WDR64: variants seen among roughly 807,000 people sequenced by gnomAD.
The protein encoded by WDR64 is WD repeat-containing protein 64.
A neutral mutation model predicts 139.3 loss-of-function variants in WDR64; 112 were observed. That is an observed-to-expected ratio of 0.80 (90% CI 0.69 to 0.94). The LOEUF (loss-of-function observed/expected upper bound fraction) is 0.94. Among genes scored for constraint, WDR64 ranks in the 40% least tolerant of loss-of-function variants. WDR64 has a pLI of 0.00. For missense variants in WDR64, 1,206 were observed against 1,293.1 expected (o/e 0.93, Z 1.03); for synonymous variants, 444 against 437.7 (o/e 1.01, Z -0.18).
chr1:241,660,562 G>C lies in WDR64; in HGVS notation c.178G>C (p.Val60Leu). ...AIGYDKFYAS[V>L]QKLFGPDVKN... The stretch of plus-strand genomic sequence containing the variant: ...TGGTTATGACAAGTTTTATGCATCG[G>C]TACAGAAGCTCTTTGGTCCAGATGT... The change falls in exon 2 of 28, where the codon GTA (valine) becomes CTA (leucine). Residue 60 changes from valine (V) to leucine (L), a missense_variant. By Grantham distance (32) the Val-to-Leu change is conservative. Coordinates refer to ENST00000437684, the MANE Select transcript of WDR64 (RefSeq NM_001367482.1). 1 of 1,551,740 alleles carries C rather than the reference G, an allele frequency of 6.4e-7. No individual in the cohort carries two copies. Among genetic ancestry groups the C allele is most frequent in the Non-Finnish European group, 8.7e-7 (1 of 1,146,816 alleles).
At chr1:241,759,705 T>TA (rs1422846299) in intron 15 of WDR64, among the ~76,000 whole-genome samples, 3 of 152,208 alleles carry the variant, frequency 2.0e-5, no homozygotes, top group Non-Finnish European at 1.5e-5. Context: ...TTCTTTTTTT[T>TA]TAAATTGTGG....
chr1:241,664,582 G>C lies in WDR64; in HGVS notation c.276+3922G>C, dbSNP rs1268911018. Reference sequence around the variant, plus strand: ...CTGAATGAAATACTAAAGTAAATCAGATTTTTTTTTGTTTGTTTTACAGAT... The same window carrying C: ...CTGAATGAAATACTAAAGTAAATCACATTTTTTTTTGTTTGTTTTACAGAT... On this transcript the variant is annotated intron_variant, in intron 2 of 27. Coordinates refer to ENST00000437684, the MANE Select transcript of WDR64 (RefSeq NM_001367482.1). 4.6e-4 allele frequency among the ~76,000 whole-genome samples: 37 copies of C among 80,788 alleles called. 1 individual carries two copies. Among genetic ancestry groups the C allele is most frequent in the Middle Eastern group, 6.8e-3 (1 of 146 alleles). 53.0% of individuals were successfully genotyped at this position (80,788 alleles called of 152,430 possible).
At position 241,744,506 on chromosome 1, in the gene WDR64, A is replaced by C; in HGVS notation, c.1584A>C (p.Gly528=). Residue 528 remains glycine, a synonymous_variant, in exon 13 of 28, where the codon GGA becomes GGC. Coordinates refer to ENST00000437684, the MANE Select transcript of WDR64 (RefSeq NM_001367482.1). ...VDESGFLFAT[G]AYNGTVRIWD... ...AAAGTGGATTTCTTTTTGCCACAGG[A>C]GCGTATAATGGTCAGACTAACATCC... 6.2e-7 allele frequency: 1 copy of C among 1,613,974 alleles called. No homozygotes were observed. Among genetic ancestry groups the C allele is most frequent in the East Asian group, 2.2e-5 (1 of 44,868 alleles).
intron 14 of WDR64, among the ~76,000 whole-genome samples, chr1:241,754,314 C>CTTTTTT (rs1574070839): frequency 9.3e-6 from 1 of 107,888 alleles, no homozygotes; most frequent in African/African-American, 3.4e-5. Flanking sequence ...TCCTTTTTTT[C>CTTTTTT]TTTTTCTTTT....
intron 15 of WDR64, 152 bp from the exon 16 acceptor site, chr1:241,766,066 A>C: frequency 1.4e-6 from 1 of 700,216 alleles, no homozygotes; most frequent in Non-Finnish European, 2.1e-6. Flanking sequence ...AAGAAAAATA[A>C]GATTTTACTA....
At chr1:241,685,220 A>C (rs931185041) in intron 7 of WDR64, among the ~76,000 whole-genome samples, 2 of 151,126 alleles carry the variant, frequency 1.3e-5, no homozygotes, top group East Asian at 3.9e-4. Flanking sequence ...TGACACCTAA[A>C]ATACATTCAG....
In WDR64 at chr1:241,731,873, A is replaced by G. The variant is rs192479172; in HGVS notation, c.1195-6490A>G. ...ATTAAGTAATGTGTAAGAACTTAAT[A>G]AATACATTTAGCATTGAATTTCCTA... On this transcript the variant is annotated intron_variant, in intron 10 of 27. Transcript: ENST00000437684. 6.6e-5 allele frequency among the ~76,000 whole-genome samples: 10 copies of G among 152,308 alleles called. No individual in the cohort carries two copies. The East Asian group carries it at 1.7e-3, about 26-fold the overall frequency.
At chr1:241,657,401 A>G (rs1369673503) in intron 1 of WDR64, among the ~76,000 whole-genome samples, 2 of 152,180 alleles carry the variant, frequency 1.3e-5, no homozygotes, top group African/African-American at 4.8e-5. Context: ...CATCATGCTT[A>G]AAATAAAATA....
chr1:241,757,486 T>C (rs1018255891), intron 15 of WDR64, 27 bp downstream of exon 15: 21 of 1,575,962 alleles, frequency 1.3e-5, no homozygotes, highest in Non-Finnish European at 1.8e-5. Flanking sequence ...GGTTTCTTTT[T>C]AACTTTTGCT....
intron 7 of WDR64, 128 bp from the exon 8 acceptor site, chr1:241,687,333 G>T: frequency 5.0e-6 from 5 of 997,054 alleles, no homozygotes; most frequent in Non-Finnish European, 5.8e-6. Context: ...GTGTTATAAT[G>T]CATTGGGCTG....
chr1:241,670,134 G>C (rs1666167717), intron 2 of WDR64, among the ~76,000 whole-genome samples: 1 of 151,900 alleles, frequency 6.6e-6, no homozygotes, highest in Admixed American at 6.6e-5. Context: ...ATTTCTGTTG[G>C]TTAATAAGAC....
intron 10 of WDR64, among the ~76,000 whole-genome samples, chr1:241,726,647 T>C (rs1026961159): frequency 6.6e-6 from 1 of 152,102 alleles, no homozygotes; most frequent in African/African-American, 2.4e-5. Flanking sequence ...ACATTCAACA[T>C]TATGTAAATG....
chr1:241,769,431 A>T lies in WDR64; in HGVS notation c.2109A>T (p.Val703=). 6.4e-7 allele frequency: 1 copy of T among 1,551,486 alleles called. No homozygotes were observed. The highest frequency in any genetic ancestry group is 8.7e-7 in the Non-Finnish European group (1 of 1,146,982). Residue 703 remains valine (V), a synonymous_variant, in exon 17 of 28, where the codon GTA becomes GTT. Transcript: ENST00000437684. ...KVYRPEDCFT[V]NPDLHPKHFK... ...ACCGACCTGAAGATTGCTTCACTGT[A>T]AACCCTGACTTGCATCCCAAGCACT...
chr1:241,801,333 A>G lies in WDR64; in HGVS notation c.*118A>G, dbSNP rs1659521066. 1.2e-6 allele frequency: 1 copy of G among 845,554 alleles called. No homozygotes were observed. Among genetic ancestry groups the G allele is most frequent in the Non-Finnish European group, 1.9e-6 (1 of 538,562 alleles). 52.4% of individuals were successfully genotyped at this position (845,554 alleles called of 1,614,324 possible). A position where few individuals can be genotyped will look rare whatever the true frequency, so the allele number is the denominator to read the frequency against. ...GACACTATCAGTCATCTCTGGTGTCAGGCCATCCTATTGATGGGAAAGATT... is the reference window on the plus strand; with the variant it reads ...GACACTATCAGTCATCTCTGGTGTCGGGCCATCCTATTGATGGGAAAGATT... On this transcript the variant is annotated 3_prime_UTR_variant, in exon 28 of 28. Transcript: ENST00000437684.
chr1:241,659,232 C>G (rs990672354), intron 1 of WDR64, among the ~76,000 whole-genome samples: 5 of 152,286 alleles, frequency 3.3e-5, no homozygotes, highest in Admixed American at 2.6e-4. Context: ...CTGCAAAGGA[C>G]ATGATCTCAT....
intron 17 of WDR64, 124 bp downstream of exon 17, chr1:241,769,629 A>G (rs1166320004): frequency 1.2e-6 from 1 of 833,820 alleles, no homozygotes. Context: ...ACTTCATCCC[A>G]GCATTAAAGA....
intron 24 of WDR64, 151 bp from the exon 25 acceptor site, chr1:241,790,440 A>AT: frequency 1.7e-6 from 1 of 594,706 alleles, no homozygotes; most frequent in South Asian, 2.6e-5. Flanking sequence ...ACCAACTGGT[A>AT]TAAGAGTTGA....
At chr1:241,702,322 T>C (rs539915077) in intron 8 of WDR64, among the ~76,000 whole-genome samples, 26 of 152,290 alleles carry the variant, frequency 1.7e-4, no homozygotes, top group Admixed American at 2.6e-4. Context: ...CCTGTGACCA[T>C]TGAACACTTT....
At chr1:241,716,651 A>G (rs1002010383) in intron 9 of WDR64, among the ~76,000 whole-genome samples, 3 of 37,708 alleles carry the variant, frequency 8.0e-5, no homozygotes, top group African/African-American at 2.3e-4. Flanking sequence ...GAATCAACAT[A>G]TGATGATGAT....
Sources: gnomAD v4.1 joint callset for allele counts (sites outside exome capture counted in the v4.1 genomes callset) on GRCh38, gnomAD v4.1.1 for gene constraint, MANE v1.5 for transcripts, NCBI Gene and HGNC (gene_info 2026-07-23, HGNC 2026-07-21) for gene names.